STK3: variants seen among roughly 807,000 people sequenced by gnomAD.
STK3 encodes the protein serine/threonine kinase 3, also known as serine/threonine-protein kinase 3.
Under a neutral mutation model 58.0 loss-of-function variants are expected in STK3, and 41 were observed. The ratio of observed to expected loss-of-function variants is 0.71; its 90% CI spans 0.55 to 0.92. STK3 has a LOEUF of 0.92. Among genes scored for constraint, STK3 ranks in the 40% least tolerant of loss-of-function variants. The pLI is 0.00. For synonymous variants in STK3, 170 were observed against 191.0 expected (o/e 0.89, Z 0.91); for missense variants, 479 against 602.7 (o/e 0.79, Z 2.15).
the STK3 span, among the ~76,000 whole-genome samples, chr8:98,350,149 G>A: frequency 7.9e-5 from 12 of 152,094 alleles, no homozygotes; most frequent in Non-Finnish European, 1.5e-4. Context: ...TGAATGCTTT[G>A]CTGCTTAGAA....
intron 10 of STK3, among the ~76,000 whole-genome samples, chr8:98,460,206 C>T (rs1819841330): frequency 6.6e-6 from 1 of 152,250 alleles, no homozygotes; most frequent in Non-Finnish European, 1.5e-5. Flanking sequence ...GGATGTGAGA[C>T]ATGGAGTCAA....
chr8:98,485,141 T>G (rs1234672504), intron 10 of STK3, among the ~76,000 whole-genome samples: 1 of 152,048 alleles, frequency 6.6e-6, no homozygotes, highest in African/African-American at 2.4e-5. Context: ...CTTGGGAGGC[T>G]GAGGCAGGAG....
At position 98,739,410 on chromosome 8, in the gene STK3, G is replaced by A. The variant is rs1198893920; in HGVS notation, c.351+9866C>T. Reference sequence around the variant, plus strand: ...TCTGAGACAAAACTTCCAGAGGAACGATCAGACAGCAGCATTCGCGGTTCA... The same window carrying A: ...TCTGAGACAAAACTTCCAGAGGAACAATCAGACAGCAGCATTCGCGGTTCA... On this transcript the variant is annotated intron_variant, in intron 4 of 10. Coordinates refer to ENST00000419617, the MANE Select transcript of STK3 (RefSeq NM_006281.4). Among the ~76,000 whole-genome samples, 6 of 151,570 alleles carry A rather than the reference G, an allele frequency of 4.0e-5. 1 individual carries two copies. In the South Asian group the frequency reaches 6.2e-4, roughly 16 times the overall value.
chr8:98,604,502 C>G (rs950496231), intron 6 of STK3, among the ~76,000 whole-genome samples: 1 of 152,178 alleles, frequency 6.6e-6, no homozygotes, highest in Admixed American at 6.5e-5. Context: ...ACAGCTCCAC[C>G]AGGCAGTACT....
chr8:98,793,171 CAG>C (rs1832914638), intron 1 of STK3, among the ~76,000 whole-genome samples: 2 of 151,954 alleles, frequency 1.3e-5, no homozygotes, highest in African/African-American at 2.4e-5. Flanking sequence ...TTTGGAGACT[CAG>C]GGGGAAAGGG....
At chr8:98,784,099 A>C (rs1832300013) in intron 1 of STK3, among the ~76,000 whole-genome samples, 1 of 152,220 alleles carries the variant, frequency 6.6e-6, no homozygotes, top group South Asian at 2.1e-4. Flanking sequence ...CCCTGGATCT[A>C]ACTTGGGGAC....
intron 3 of STK3, among the ~76,000 whole-genome samples, chr8:98,425,029 C>T (rs1009818558): frequency 2.6e-5 from 4 of 152,164 alleles, no homozygotes; most frequent in African/African-American, 7.2e-5. Flanking sequence ...ACCATCACCC[C>T]GCCGAAGGTG....
chr8:98,494,403 T>C (rs1479241437), intron 10 of STK3, among the ~76,000 whole-genome samples: 2 of 152,154 alleles, frequency 1.3e-5, no homozygotes, highest in African/African-American at 2.4e-5. Flanking sequence ...CTAACTGTAG[T>C]TTTGAAGACT....
chr8:98,926,025 C>A (rs1241877292), intron 1 of STK3, among the ~76,000 whole-genome samples: 2 of 151,966 alleles, frequency 1.3e-5, no homozygotes, highest in African/African-American at 4.8e-5. Flanking sequence ...CAAAGAGGGG[C>A]CGGGGGAGAA....
At chr8:98,367,967 G>A (rs1817579904), downstream of STK3, among the ~76,000 whole-genome samples, 1 of 152,236 alleles carries the variant, frequency 6.6e-6, no homozygotes, top group Non-Finnish European at 1.5e-5. Flanking sequence ...TGGGCTGAAT[G>A]CTTTGGTTGC....
At chr8:98,861,107 C>T (rs147311110) in intron 3 of STK3, among the ~76,000 whole-genome samples, 19 of 151,994 alleles carry the variant, frequency 1.3e-4, no homozygotes, top group Middle Eastern at 3.4e-3. Context: ...TAAGCTGTAC[C>T]GTGGGAGCAG....
intron 10 of STK3, among the ~76,000 whole-genome samples, chr8:98,523,189 T>C (rs970021487): frequency 1.3e-5 from 2 of 152,212 alleles, no homozygotes; most frequent in Admixed American, 6.5e-5. Context: ...TTTCTCTACG[T>C]CTTCAGAAAC....
At chr8:98,614,823 C>T (rs1419202428) in intron 6 of STK3, among the ~76,000 whole-genome samples, 3 of 152,118 alleles carry the variant, frequency 2.0e-5, no homozygotes, top group East Asian at 3.9e-4. Flanking sequence ...CACAGAATCT[C>T]GCTGATTGCT....
intron 6 of STK3, among the ~76,000 whole-genome samples, chr8:98,663,959 AG>A (rs1179336846): frequency 6.6e-6 from 1 of 152,214 alleles, no homozygotes; most frequent in Non-Finnish European, 1.5e-5. Flanking sequence ...TGAGAAGACT[AG>A]AATTCACGTA....
chr8:98,805,345 C>T (rs903655474), intron 1 of STK3, among the ~76,000 whole-genome samples: 5 of 152,052 alleles, frequency 3.3e-5, no homozygotes, highest in African/African-American at 7.2e-5. Context: ...TTTGGGAGGC[C>T]GAGGCGGGCA....
intron 2 of STK3, among the ~76,000 whole-genome samples, chr8:98,773,781 T>G (rs1831476251): frequency 6.6e-6 from 1 of 151,338 alleles, no homozygotes; most frequent in African/African-American, 2.4e-5. Context: ...TTTTTATTTT[T>G]TATTTATTTA....
chr8:98,888,131 C>T (rs1448910738), intron 1 of STK3, among the ~76,000 whole-genome samples: 1 of 152,018 alleles, frequency 6.6e-6, no homozygotes, highest in Admixed American at 6.6e-5. Flanking sequence ...ACAGCCTGGC[C>T]AACATGGTGA....
chr8:98,765,665 G>T (rs1339717004), intron 3 of STK3, among the ~76,000 whole-genome samples: 1 of 152,210 alleles, frequency 6.6e-6, no homozygotes, highest in African/African-American at 2.4e-5. Flanking sequence ...GGCTGTAGCA[G>T]CCCTGTTGTA....
intron 4 of STK3, among the ~76,000 whole-genome samples, chr8:98,743,011 T>A (rs1198677875): frequency 6.6e-6 from 1 of 151,902 alleles, no homozygotes; most frequent in East Asian, 1.9e-4. Flanking sequence ...TACCTAGGAA[T>A]CCAACTTACA....
Sources: allele counts gnomAD v4.1 joint callset (sites outside exome capture counted in the v4.1 genomes callset), GRCh38; gene constraint gnomAD v4.1.1; transcripts MANE v1.5; gene names NCBI Gene and HGNC (gene_info 2026-07-23, HGNC 2026-07-21).